The following AMOTL2 variants were observed in gnomAD, a reference collection of about 807,000 sequenced individuals.
AMOTL2 encodes the protein angiomotin like 2, also known as angiomotin-like protein 2.
AMOTL2 carries 33 observed loss-of-function variants against 78.4 expected under a neutral mutation model. The observed-to-expected ratio is 0.42, with a 90% CI of 0.32 to 0.56. AMOTL2 has a LOEUF of 0.56. Among genes scored for constraint, AMOTL2 ranks in the 20% least tolerant of loss-of-function variants. The probability of loss-of-function intolerance (pLI) is 0.12; values close to 1 mark genes in which losing one functional copy is unlikely to be tolerated. For synonymous variants in AMOTL2, 422 were observed against 428.8 expected, an observed-to-expected ratio of 0.98 and a Z score of 0.20; for missense variants, 983 against 1,030.1, an observed-to-expected ratio of 0.95 and a Z score of 0.63.
At chr3:134,375,174 T>A (rs1357248881), upstream of AMOTL2, 5 of 1,534,998 alleles carry the variant, frequency 3.3e-6, no homozygotes, top group Non-Finnish European at 3.5e-6. Context: ...ATCCGGTCAA[T>A]TTGACCCACC....
Position 134,357,769 on chromosome 3 carries a change from G to C in AMOTL2, c.2285-6C>G, listed in dbSNP as rs766839769. The C allele has an allele frequency of 6.2e-7, 1 of 1,613,968 alleles. No individual in the cohort carries two copies. The highest frequency in any genetic ancestry group is 1.3e-5 in the African/African-American group (1 of 75,044). On this transcript the variant is annotated splice_polypyrimidine_tract_variant and splice_region_variant and intron_variant, in intron 9 of 9. Coordinates refer to ENST00000249883, the MANE Select transcript of AMOTL2 (RefSeq NM_016201.4). ...TCTGGATGTAGCTACAGAGTCTGGAGACAGACAAGAACACAGGCACATGCC... is the reference window on the plus strand; with the variant it reads ...TCTGGATGTAGCTACAGAGTCTGGACACAGACAAGAACACAGGCACATGCC...
rs2018000372 is a variant in AMOTL2, at chr3:134,374,256, C to G, written c.-62+86G>C. ...TCGAGGCTCCGACTCCCGGAAAAGG[C>G]CGGGTTGCGCCGAGACTCCAGCTTT... On this transcript the variant is annotated intron_variant, in intron 1 of 9. Transcript: ENST00000249883. The G allele has an allele frequency of 1.2e-5, 12 of 985,370 alleles. No homozygotes were observed. The South Asian group carries it at 4.2e-4, about 35-fold the overall frequency. The allele number at this position is 985,370 out of a possible 1,614,324, so 61.0% of individuals were successfully genotyped here.
intron 1 of AMOTL2, among the ~76,000 whole-genome samples, chr3:134,372,399 G>T (rs985199616): frequency 4.6e-5 from 7 of 151,378 alleles, no homozygotes; most frequent in Non-Finnish European, 1.0e-4. Context: ...CAATGGTTTT[G>T]TAAGATGAGG....
At chr3:134,360,623 G>C (rs954718106) in intron 6 of AMOTL2, among the ~76,000 whole-genome samples, 9 of 152,204 alleles carry the variant, frequency 5.9e-5, no homozygotes, top group African/African-American at 1.9e-4. Context: ...ATAGAGACCA[G>C]ACAGATAATC....
In AMOTL2 at chr3:134,357,721, AC is replaced by A; in HGVS notation, c.2326del (p.Val776TrpfsTer4). 6.2e-7 allele frequency: 1 copy of A among 1,614,164 alleles called. No homozygotes were observed. Among genetic ancestry groups the A allele is most frequent in the Non-Finnish European group, 8.5e-7 (1 of 1,180,032 alleles). ...CCACCTCCTTCAGATCAGTATCTCC[AC>A]CATGTCTGACAAGTCCTGGACTCTG... ...TSRVQDLSDM[V>X]EILI On this transcript the variant is annotated frameshift_variant, in exon 10 of 10. Transcript: ENST00000249883. LOFTEE classifies it high-confidence loss of function.
In AMOTL2 at chr3:134,356,670, G is replaced by C. The variant is rs2017094223; in HGVS notation, c.*1035C>G. The C allele has an allele frequency of 6.6e-6, 1 of 152,618 alleles. No homozygotes were observed. 9.5% of individuals were successfully genotyped at this position (152,618 alleles called of 1,614,324 possible). A position where few individuals can be genotyped will look rare whatever the true frequency, so the allele number is the denominator to read the frequency against. ...CACTTATGCTAACAAGACATCTCCA[G>C]TTTCTCAGAAAGAACTGGTACCGGG... On this transcript the variant is annotated 3_prime_UTR_variant, in exon 10 of 10. Transcript: ENST00000249883.
chr3:134,362,158 C>T (rs554594452), intron 5 of AMOTL2, among the ~76,000 whole-genome samples: 10 of 152,212 alleles, frequency 6.6e-5, no homozygotes, highest in Middle Eastern at 3.4e-3. Context: ...TGTGACGGCT[C>T]GAGACTGTTG....
At chr3:134,374,241 G>A in intron 1 of AMOTL2, 101 bp downstream of exon 1, 3 of 985,410 alleles carry the variant, frequency 3.0e-6, no homozygotes, top group Non-Finnish European at 3.6e-6. Flanking sequence ...TCGAGGCTCC[G>A]ACTCCCGGAA....
At position 134,371,354 on chromosome 3, in the gene AMOTL2, T is replaced by G; in HGVS notation, c.80A>C (p.Glu27Ala). Residue 27 changes from glutamate (E) to alanine (A), a missense_variant, in exon 2 of 10, where the codon GAG becomes GCG. Glu to Ala is a moderately radical substitution (Grantham distance 107). Transcript: ENST00000249883. The stretch of plus-strand genomic sequence containing the variant: ...CTGGATGGCTAGCAGCGTGCGCGTC[T>G]CAGTCAGGTTGCCGTAGCGCAGCTG... ...QEQLRYGNLTETRTLLAIQQQ... is the reference protein window; with the variant it reads ...QEQLRYGNLTATRTLLAIQQQ... 3.7e-6 allele frequency: 6 copies of G among 1,610,872 alleles called. No homozygotes were observed. Among genetic ancestry groups the G allele is most frequent in the Non-Finnish European group, 5.1e-6 (6 of 1,180,002 alleles).
intron 1 of AMOTL2, chr3:134,373,711 G>A (rs183007598): frequency 5.1e-6 from 5 of 985,304 alleles, no homozygotes; most frequent in Non-Finnish European, 6.0e-6. Context: ...CCGCTGGTAC[G>A]CCTGGGGCGA....
chr3:134,363,638 G>A (rs1442876588), intron 5 of AMOTL2, among the ~76,000 whole-genome samples: 4 of 152,220 alleles, frequency 2.6e-5, no homozygotes, highest in Admixed American at 2.0e-4. Context: ...GGCCTAGAAG[G>A]GCCAGAAGGG....
chr3:134,361,846 CG>C, intron 5 of AMOTL2, 39 bp from the exon 6 acceptor site: 1 of 1,483,426 alleles, frequency 6.7e-7, no homozygotes, highest in Non-Finnish European at 9.0e-7. Flanking sequence ...ACAGTGACCA[CG>C]TTGGCTGGCC....
In AMOTL2 at chr3:134,361,757, G is replaced by A; in HGVS notation, c.1330C>T (p.Leu444=). The change falls in exon 6 of 10, where the codon CTG becomes TTG. Residue 444 remains leucine, a synonymous_variant. Transcript: ENST00000249883. ...CGCTGGTCCTCGATGGCGCCGCGCA[G>A]CAGTGCCATCTCTCGCTCCAGCTTC... The part of the protein sequence containing the change: ...QEKLEREMAL[L]RGAIEDQRRR... 6.3e-7 allele frequency: 1 copy of A among 1,586,592 alleles called. No homozygotes were observed. Among genetic ancestry groups the A allele is most frequent in the Non-Finnish European group, 8.6e-7 (1 of 1,164,470 alleles).
At chr3:134,362,114 TGTCTAAAACACATCCACAATATCCCTTGA>T in intron 5 of AMOTL2, among the ~76,000 whole-genome samples, 1 of 152,090 alleles carries the variant, frequency 6.6e-6, no homozygotes, top group Non-Finnish European at 1.5e-5. Flanking sequence ...AGGGGCACCA[TGTCTAAAACACATCCACAATATCCCTTGA>T]ACCTTGTGAC....
rs1440308647 is a variant in AMOTL2 at position 134,360,120 on chromosome 3, C to G, written c.1869G>C (p.Gln623His). Residue 623 changes from glutamine to histidine, a missense_variant, in exon 7 of 10, where the codon CAG becomes CAC. By Grantham distance (24) the Gln-to-His change is conservative (BLOSUM62 0). Transcript: ENST00000249883. Reference sequence around the variant, plus strand: ...CAATGCCGAACCTGCTTTCCATCTCCTGATGCCTGTGGCCACCAGTGAGCA... The same window carrying G: ...CAATGCCGAACCTGCTTTCCATCTCGTGATGCCTGTGGCCACCAGTGAGCA... ...EGLLTGGHRH[Q>H]EMESRLKVLH... 2 of 1,608,528 alleles carry G rather than the reference C, an allele frequency of 1.2e-6. No homozygotes were observed. Among genetic ancestry groups the G allele is most frequent in the Non-Finnish European group, 1.7e-6 (2 of 1,175,362 alleles).
chr3:134,361,685 G>C lies in AMOTL2; in HGVS notation c.1402C>G (p.Arg468Gly). 6.2e-7 allele frequency: 1 copy of C among 1,610,912 alleles called. No individual in the cohort carries two copies. ...AGCTCCTCTTCGGCTCGAGCTGCCC[G>C]GCCCTGCGCATTGCCCAGAGCCTGC... ...LEQALGNAQG[R>G]AARAEEELRK... The change falls in exon 6 of 10, where the codon CGG (arginine) becomes GGG (glycine). Residue 468 changes from arginine to glycine, a missense_variant. Coordinates refer to ENST00000249883, the MANE Select transcript of AMOTL2 (RefSeq NM_016201.4).
rs774720387 is a variant in AMOTL2 at position 134,365,815 on chromosome 3, A to C, written c.1279+2T>G. The C allele has an allele frequency of 6.2e-6, 10 of 1,613,556 alleles. No homozygotes were observed. Among genetic ancestry groups the C allele is most frequent in the Non-Finnish European group, 8.5e-6 (10 of 1,179,904 alleles). Reference sequence around the variant, plus strand: ...AGGCTTCTTAGTGGGGCCCCTACTCACTCTGAGCAAGCAGCTTGGCCACCA... The same window carrying C: ...AGGCTTCTTAGTGGGGCCCCTACTCCCTCTGAGCAAGCAGCTTGGCCACCA... On this transcript the variant is annotated splice_donor_variant, in intron 5 of 9. Coordinates refer to ENST00000249883, the MANE Select transcript of AMOTL2 (RefSeq NM_016201.4). LOFTEE classifies it high-confidence loss of function.
At chr3:134,364,228 C>T (rs1439153410) in intron 5 of AMOTL2, among the ~76,000 whole-genome samples, 1 of 151,954 alleles carries the variant, frequency 6.6e-6, no homozygotes, top group Non-Finnish European at 1.5e-5. Context: ...GGGCCGGGAG[C>T]GGAACAGCTC....
chr3:134,357,481 T>G lies in AMOTL2; in HGVS notation c.*224A>C. On this transcript the variant is annotated 3_prime_UTR_variant, in exon 10 of 10. Transcript: ENST00000249883. ...TCATTCTCCATAAGGCCCGGAGGAA[T>G]GTGGGCTAAGAAGCAGAGTCTTCTG... 1.8e-6 allele frequency: 1 copy of G among 569,310 alleles called. No individual in the cohort carries two copies. The highest frequency in any genetic ancestry group is 3.2e-6 in the Non-Finnish European group (1 of 316,376). The allele number at this position is 569,310 out of a possible 1,614,324, so 35.3% of individuals were successfully genotyped here. A position where few individuals can be genotyped will look rare whatever the true frequency, so the allele number is the denominator to read the frequency against.
Sources: gnomAD v4.1 joint callset for allele counts (sites outside exome capture counted in the v4.1 genomes callset) on GRCh38, gnomAD v4.1.1 for gene constraint, MANE v1.5 for transcripts, NCBI Gene and HGNC (gene_info 2026-07-23, HGNC 2026-07-21) for gene names.